Variants in MAD1L1 observed in about 807,000 individuals in gnomAD.
The protein encoded by MAD1L1 is mitotic arrest deficient 1 like 1.
MAD1L1 carries 95 observed loss-of-function variants against 96.9 expected under a neutral mutation model. The ratio of observed to expected loss-of-function variants is 0.98; its 90% CI spans 0.83 to 1.16. The LOEUF (loss-of-function observed/expected upper bound fraction) is 1.16, where lower values mean the gene tolerates loss of function less well. MAD1L1 is among the 50% of genes most tolerant of loss of function. MAD1L1 has a pLI of 0.00. For synonymous variants in MAD1L1, 473 were observed against 396.6 expected (o/e 1.19, Z -2.29); for missense variants, 1,007 against 954.4 (o/e 1.06, Z -0.73).
chr7:2,046,439 C>T (rs377010240), intron 12 of MAD1L1, among the ~76,000 whole-genome samples: 7 of 151,704 alleles, frequency 4.6e-5, no homozygotes, highest in East Asian at 1.9e-4. Flanking sequence ...AGACAGGCTC[C>T]GGCTGGGGCA....
intron 10 of MAD1L1, among the ~76,000 whole-genome samples, chr7:2,189,363 C>A (rs1220002660): frequency 6.6e-6 from 1 of 152,206 alleles, no homozygotes; most frequent in Non-Finnish European, 1.5e-5. Context: ...CAGCATTATT[C>A]ACAGTAGCTA....
intron 11 of MAD1L1, among the ~76,000 whole-genome samples, chr7:2,105,787 A>AC (rs1787059033): frequency 1.3e-5 from 2 of 152,024 alleles, no homozygotes; most frequent in African/African-American, 4.8e-5. Flanking sequence ...CCAAAACCCC[A>AC]GTACCACCAG....
chr7:1,987,813 T>C (rs11763870), intron 14 of MAD1L1, among the ~76,000 whole-genome samples: 86,687 of 152,084 alleles, frequency 0.57, 25,109 homozygotes, highest in Middle Eastern at 0.7. Flanking sequence ...AGCAGCGTTC[T>C]CAGAGGTAAC....
chr7:2,099,840 G>A (rs370877678), intron 11 of MAD1L1, among the ~76,000 whole-genome samples: 7 of 152,314 alleles, frequency 4.6e-5, no homozygotes, highest in East Asian at 3.9e-4. Context: ...ACTGGCTGCC[G>A]ACTGTGAGGA....
At chr7:2,177,765 C>T (rs953994977) in intron 10 of MAD1L1, among the ~76,000 whole-genome samples, 3 of 152,148 alleles carry the variant, frequency 2.0e-5, no homozygotes, top group Non-Finnish European at 4.4e-5. Context: ...AGTTTCTGCT[C>T]GACTCTGTAA....
intron 10 of MAD1L1, among the ~76,000 whole-genome samples, chr7:2,174,100 A>C (rs2128596745): frequency 6.6e-6 from 1 of 152,328 alleles, no homozygotes; most frequent in Admixed American, 6.5e-5. Context: ...GATTACAGGT[A>C]TGAAGCACCA....
At position 1,898,448 on chromosome 7, in the gene MAD1L1, C is replaced by T. The variant is rs1787033714; in HGVS notation, c.1808-58G>A. On this transcript the variant is annotated intron_variant, in intron 17 of 18. Coordinates refer to ENST00000265854, the MANE Select transcript of MAD1L1 (RefSeq NM_001013836.2). ...GGCACCAGGCCGGAGGGGTGGGGACCCGGGAGCGGCCAGGGCAGGGAGGAA... is the reference window on the plus strand; with the variant it reads ...GGCACCAGGCCGGAGGGGTGGGGACTCGGGAGCGGCCAGGGCAGGGAGGAA... The T allele has an allele frequency of 5.9e-6, 9 of 1,513,272 alleles. 1 individual carries two copies. The highest frequency in any genetic ancestry group is 5.2e-5 in the Admixed American group (3 of 57,484). The allele number at this position is 1,513,272 out of a possible 1,614,324, so 93.7% of individuals were successfully genotyped here.
chr7:2,031,175 G>A lies in MAD1L1; in HGVS notation c.1219-16533C>T, dbSNP rs985541586. On this transcript the variant is annotated intron_variant, in intron 12 of 18. Coordinates refer to ENST00000265854, the MANE Select transcript of MAD1L1 (RefSeq NM_001013836.2). ...GAACACCAGGCCGCTCAGAGAGGAAGCACGGGGTCCTCTCCCACTACTCAC... is the reference window on the plus strand; with the variant it reads ...GAACACCAGGCCGCTCAGAGAGGAAACACGGGGTCCTCTCCCACTACTCAC... 6.6e-5 allele frequency among the ~76,000 whole-genome samples: 10 copies of A among 152,152 alleles called. No individual in the cohort carries two copies. The South Asian group carries it at 1.2e-3, about 19-fold the overall frequency.
chr7:2,166,768 G>C (rs1447261295), intron 10 of MAD1L1, among the ~76,000 whole-genome samples: 1 of 152,204 alleles, frequency 6.6e-6, no homozygotes, highest in Non-Finnish European at 1.5e-5. Flanking sequence ...AGAATGACCT[G>C]GGCGGAACCA....
chr7:2,194,980 C>T (rs149984201), intron 10 of MAD1L1, among the ~76,000 whole-genome samples: 129 of 151,764 alleles, frequency 8.5e-4, no homozygotes, highest in Admixed American at 6.9e-3. Context: ...CCCAGCTACT[C>T]GGGAGGCTGA....
At chr7:2,036,731 G>C (rs774432898) in intron 12 of MAD1L1, among the ~76,000 whole-genome samples, 1 of 152,116 alleles carries the variant, frequency 6.6e-6, no homozygotes, top group African/African-American at 2.4e-5. Flanking sequence ...CCCAAGGCCA[G>C]GGCTCCTGAT....
At chr7:1,821,522 CA>C (rs1311830658) in intron 18 of MAD1L1, among the ~76,000 whole-genome samples, 2 of 152,050 alleles carry the variant, frequency 1.3e-5, no homozygotes, top group African/African-American at 4.8e-5. Context: ...AGCTTAGCTG[CA>C]AAAATACTCA....
intron 15 of MAD1L1, among the ~76,000 whole-genome samples, chr7:1,958,728 G>T (rs989179068): frequency 6.6e-6 from 1 of 152,154 alleles, no homozygotes; most frequent in African/African-American, 2.4e-5. Context: ...ACCAAACAAC[G>T]AATACCTACC....
In MAD1L1 at chr7:2,073,850, C is replaced by T. The variant is rs181676109; in HGVS notation, c.1074-4512G>A. 8.7e-3 allele frequency among the ~76,000 whole-genome samples: 1,323 copies of T among 152,294 alleles called. 12 individuals are homozygous for T. Among genetic ancestry groups the T allele is most frequent in the Non-Finnish European group, 0.011 (760 of 68,024 alleles). ...GAAGTGAACCAGAGCAACACACATT[C>T]CCGGCTGAGGGACGGCGTGGGCAGC... On this transcript the variant is annotated intron_variant, in intron 11 of 18. Transcript: ENST00000265854.
chr7:1,978,446 G>A (rs1009249123), intron 15 of MAD1L1, among the ~76,000 whole-genome samples: 3 of 152,328 alleles, frequency 2.0e-5, no homozygotes, highest in South Asian at 2.1e-4. Flanking sequence ...TGAGCAGGTG[G>A]TGGGGACGGC....
intron 17 of MAD1L1, among the ~76,000 whole-genome samples, chr7:1,931,158 C>A (rs1583826940): frequency 9.3e-6 from 1 of 107,462 alleles, no homozygotes; most frequent in African/African-American, 3.8e-5. Context: ...AACTCCTCAC[C>A]CCACGCACGG....
chr7:2,073,861 G>A (rs1158287106), intron 11 of MAD1L1, among the ~76,000 whole-genome samples: 2 of 152,186 alleles, frequency 1.3e-5, no homozygotes, highest in African/African-American at 4.8e-5. Flanking sequence ...CCGGCTGAGG[G>A]ACGGCGTGGG....
Position 2,119,530 on chromosome 7 carries a change from C to A in MAD1L1, c.1073+29622G>T, listed in dbSNP as rs1787874974. ...CTGTGCAAGTTGACCCCAGGCAGCT[C>A]TCAGGTCCCGACTGTGGGGACAGCA... is the stretch of plus-strand genomic sequence containing the variant. On this transcript the variant is annotated intron_variant, in intron 11 of 18. Transcript: ENST00000265854. This position sits in a 1 kb window ranked among gnomAD's most constrained non-coding sequence, Gnocchi z 4.6. 6.6e-6 allele frequency among the ~76,000 whole-genome samples: 1 copy of A among 152,214 alleles called. No individual in the cohort carries two copies. Among genetic ancestry groups the A allele is most frequent in the Admixed American group, 6.5e-5 (1 of 15,282 alleles).
At chr7:2,179,127 CG>C (rs1791073042) in intron 10 of MAD1L1, among the ~76,000 whole-genome samples, 1 of 152,222 alleles carries the variant, frequency 6.6e-6, no homozygotes, top group East Asian at 1.9e-4. Flanking sequence ...TACAGCAATC[CG>C]GGAACGTTTG....
Sources: allele counts gnomAD v4.1 joint callset (sites outside exome capture counted in the v4.1 genomes callset), GRCh38; gene constraint gnomAD v4.1.1; non-coding constraint Gnocchi (gnomAD v3.1); transcripts MANE v1.5; gene names NCBI Gene and HGNC (gene_info 2026-07-23, HGNC 2026-07-21).